The following MLXIP variants were observed in gnomAD, a reference collection of about 807,000 sequenced individuals.
MLXIP encodes MLX interacting protein, also known as MLX-interacting protein.
In MLXIP, 30 loss-of-function variants were observed where a neutral mutation model predicts 87.2. The ratio of observed to expected loss-of-function variants is 0.34; its 90% CI spans 0.26 to 0.47. MLXIP has a LOEUF of 0.47. MLXIP is among the 20% of genes least tolerant of loss of function. The probability of loss-of-function intolerance (pLI) is 1.00; values close to 1 mark genes in which losing one functional copy is unlikely to be tolerated. For synonymous variants in MLXIP, 530 were observed against 514.0 expected (o/e 1.03, Z -0.42); for missense variants, 1,002 against 1,240.1 (o/e 0.81, Z 2.88).
In MLXIP at chr12:122,078,942, A is replaced by G; in HGVS notation, c.89A>G (p.Asp30Gly). The G allele has an allele frequency of 8.9e-7, 1 of 1,119,626 alleles. No individual in the cohort carries two copies. Among genetic ancestry groups the G allele is most frequent in the South Asian group, 2.7e-5 (1 of 36,884 alleles). 69.4% of individuals were successfully genotyped at this position (1,119,626 alleles called of 1,614,324 possible). Reference protein sequence around the residue: ...VLLKPQVSEDDDDSDTDEPSP... With the variant: ...VLLKPQVSEDGDDSDTDEPSP... ...CTCAAGCCCCAGGTGTCCGAGGACG[A>G]CGACGACTCGGACACGGATGAGCCG... Residue 30 changes from aspartate (D) to glycine (G), a missense_variant, in exon 1 of 17, where the codon GAC becomes GGC. Coordinates refer to ENST00000319080, the MANE Select transcript of MLXIP (RefSeq NM_014938.6).
At chr12:122,127,730 C>T (rs1241692469) in intron 2 of MLXIP, 153 bp from the exon 3 acceptor site, 22 of 664,956 alleles carry the variant, frequency 3.3e-5, no homozygotes, top group Non-Finnish European at 5.1e-5. Flanking sequence ...CACCTGGACT[C>T]CTTTATTTCC....
intron 1 of MLXIP, among the ~76,000 whole-genome samples, chr12:122,119,661 G>A (rs1042699625): frequency 1.3e-5 from 2 of 152,220 alleles, no homozygotes; most frequent in Admixed American, 6.5e-5. Context: ...AAAGTGCTGG[G>A]ATTACAGGCG....
Position 122,135,827 on chromosome 12 carries a change from C to T in MLXIP, c.2032+161C>T, listed in dbSNP as rs1953081267. On this transcript the variant is annotated intron_variant, in intron 11 of 16. Transcript: ENST00000319080. The surrounding 1 kb of genome is among the most constrained non-coding windows in gnomAD (Gnocchi z 5.3). ...GCTGATAACACAGTCTGGGAACACG[C>T]TCTGTGGGTGGCAGGATGAAATGTG... 1 of 868,460 alleles carries T rather than the reference C, an allele frequency of 1.2e-6. No homozygotes were observed. 53.8% of individuals were successfully genotyped at this position (868,460 alleles called of 1,614,324 possible).
chr12:122,086,132 C>T (rs1188414952), intron 1 of MLXIP, among the ~76,000 whole-genome samples: 1 of 152,132 alleles, frequency 6.6e-6, no homozygotes, highest in Non-Finnish European at 1.5e-5. Context: ...CTGGAAAAGG[C>T]GAGGGGACGG....
intron 11 of MLXIP, chr12:122,136,336 G>T: frequency 6.6e-6 from 1 of 152,172 alleles, no homozygotes; most frequent in Non-Finnish European, 1.5e-5. Flanking sequence ...GTGTAGGCCA[G>T]GCGCAGTGGC....
At chr12:122,100,579 C>A (rs753571577) in intron 1 of MLXIP, among the ~76,000 whole-genome samples, 22 of 152,068 alleles carry the variant, frequency 1.4e-4, no homozygotes, top group Non-Finnish European at 3.1e-4. Context: ...ATATTGAATT[C>A]TCTGTTCAAC....
chr12:122,101,624 A>G (rs1217497680), intron 1 of MLXIP, among the ~76,000 whole-genome samples: 1 of 128,260 alleles, frequency 7.8e-6, no homozygotes, highest in Non-Finnish European at 1.6e-5. Context: ...TCTGTCGCCC[A>G]GGCTGGAGTG....
In MLXIP at chr12:122,141,680, C is replaced by G. The variant is rs1230778895; in HGVS notation, c.2639-11C>G. The G allele has an allele frequency of 6.2e-7, 1 of 1,613,108 alleles. No individual in the cohort carries two copies. The highest frequency in any genetic ancestry group is 1.3e-5 in the African/African-American group (1 of 75,060). ...TGTCACTGCCTGTGTCTGACCCTTT[C>G]TGTCTTGCAGTGGTATTGAGCACGC... is the stretch of plus-strand genomic sequence containing the variant. On this transcript the variant is annotated splice_polypyrimidine_tract_variant and intron_variant, in intron 16 of 16. Transcript: ENST00000319080.
At chr12:122,093,127 T>TG (rs1458689747) in intron 1 of MLXIP, among the ~76,000 whole-genome samples, 1 of 144,058 alleles carries the variant, frequency 6.9e-6, no homozygotes, top group Admixed American at 6.9e-5. Flanking sequence ...GGGATGTGTG[T>TG]GGGGTCTGTT....
chr12:122,139,517 ACGGT>A (rs1202589798), intron 15 of MLXIP, among the ~76,000 whole-genome samples: 1 of 152,110 alleles, frequency 6.6e-6, no homozygotes, highest in Non-Finnish European at 1.5e-5. Context: ...CTCTGAGTAA[ACGGT>A]CGGCACATGT....
intron 1 of MLXIP, among the ~76,000 whole-genome samples, chr12:122,119,412 A>C (rs547463485): frequency 7.7e-4 from 117 of 151,834 alleles, no homozygotes; most frequent in African/African-American, 2.7e-3. Flanking sequence ...TTTGTTTTTG[A>C]GATGAGCCTC....
intron 1 of MLXIP, among the ~76,000 whole-genome samples, chr12:122,083,270 T>C (rs1952117632): frequency 1.3e-5 from 2 of 152,136 alleles, no homozygotes; most frequent in African/African-American, 4.8e-5. Context: ...TTTTCTGTAT[T>C]TAGAGATAAG....
chr12:122,108,723 G>C (rs1279548704), intron 1 of MLXIP, among the ~76,000 whole-genome samples: 1 of 152,150 alleles, frequency 6.6e-6, no homozygotes, highest in Non-Finnish European at 1.5e-5. Context: ...TGTGTGTGGA[G>C]GGAACCAGCA....
At chr12:122,093,682 T>G (rs1362733168) in intron 1 of MLXIP, among the ~76,000 whole-genome samples, 2 of 134,640 alleles carry the variant, frequency 1.5e-5, no homozygotes, top group Admixed American at 1.5e-4. Context: ...GGTGTATGTG[T>G]GCGGTGTTGG....
chr12:122,131,116 A>C (rs1186642520), intron 7 of MLXIP, among the ~76,000 whole-genome samples, 183 bp downstream of exon 7: 2 of 152,144 alleles, frequency 1.3e-5, no homozygotes, highest in African/African-American at 4.8e-5. Context: ...TTTTTCTGGG[A>C]CATTGTTCAG....
intron 1 of MLXIP, among the ~76,000 whole-genome samples, chr12:122,095,158 G>A (rs1221797848): frequency 9.5e-6 from 1 of 105,290 alleles, no homozygotes. Context: ...GCGGTGTGGT[G>A]GTGTGTGTGG....
At chr12:122,102,688 C>T (rs1236581175) in intron 1 of MLXIP, among the ~76,000 whole-genome samples, 1 of 152,186 alleles carries the variant, frequency 6.6e-6, no homozygotes, top group Middle Eastern at 3.2e-3. Flanking sequence ...ATGGATTAAA[C>T]AATGTGATAT....
At chr12:122,091,908 G>A (rs1223186955) in intron 1 of MLXIP, among the ~76,000 whole-genome samples, 1 of 152,160 alleles carries the variant, frequency 6.6e-6, no homozygotes, top group East Asian at 1.9e-4. Context: ...AGGAAATCTG[G>A]ATTTAAGGTC....
At chr12:122,130,420 G>A (rs1483143588) in intron 6 of MLXIP, among the ~76,000 whole-genome samples, 5 of 151,750 alleles carry the variant, frequency 3.3e-5, no homozygotes, top group African/African-American at 7.3e-5. Context: ...CACGGGGTAC[G>A]TGTGCCGTGC....
Sources: allele counts gnomAD v4.1 joint callset (sites outside exome capture counted in the v4.1 genomes callset), GRCh38; gene constraint gnomAD v4.1.1; non-coding constraint Gnocchi (gnomAD v3.1); transcripts MANE v1.5; gene names NCBI Gene and HGNC (gene_info 2026-07-23, HGNC 2026-07-21).